The following GRM4 variants were observed in gnomAD, a reference collection of about 807,000 sequenced individuals.
The protein encoded by GRM4 is metabotropic glutamate receptor 4.
Under a neutral mutation model 81.7 loss-of-function variants are expected in GRM4, and 28 were observed. The observed-to-expected ratio is 0.34, with a 90% CI of 0.25 to 0.47. GRM4 has a LOEUF of 0.47. Ranked by LOEUF, GRM4 falls within the 20% of genes least tolerant of loss-of-function variation. The pLI, the probability that GRM4 is intolerant of heterozygous loss-of-function variation, is 1.00. For synonymous variants in GRM4, 488 were observed against 528.8 expected (o/e 0.92, Z 1.06); for missense variants, 948 against 1,290.0 (o/e 0.73, Z 4.06).
chr6:34,146,641 G>A (rs1302996829), upstream of GRM4, among the ~76,000 whole-genome samples: 1 of 152,174 alleles, frequency 6.6e-6, no homozygotes, highest in East Asian at 1.9e-4. Flanking sequence ...TGGGGAGGGA[G>A]CACAACACTG....
At chr6:34,110,858 TG>T in intron 2 of GRM4, 1 of 1,330,802 alleles carries the variant, frequency 7.5e-7, no homozygotes, top group South Asian at 2.1e-5. Context: ...AGCTCAGGCC[TG>T]GAGGTGAGGA....
rs1046741691 is a variant in GRM4, at chr6:34,069,970, C to T, written c.737-7942G>A. ...CTGGGGCCTTACAGAGCCCAGGACA[C>T]GTGCGGGGCCTGCCCAGGACGGCGG... On this transcript the variant is annotated intron_variant, in intron 3 of 10. Coordinates refer to ENST00000538487, the MANE Select transcript of GRM4 (RefSeq NM_000841.4). The surrounding 1 kb of genome is among the most constrained non-coding windows in gnomAD (Gnocchi z 6.4). 1.3e-5 allele frequency among the ~76,000 whole-genome samples: 2 copies of T among 152,186 alleles called. No individual in the cohort carries two copies. Among genetic ancestry groups the T allele is most frequent in the Non-Finnish European group, 2.9e-5 (2 of 68,034 alleles).
In GRM4 at chr6:34,086,720, T is replaced by G. The variant is rs931241907; in HGVS notation, c.736+5163A>C. The stretch of plus-strand genomic sequence containing the variant: ...TTCAAATCCTGCCCCTGCCACTTCC[T>G]AGCTGTGTGGCCTCATGGGAGTTAC... On this transcript the variant is annotated intron_variant, in intron 3 of 10. Transcript: ENST00000538487. Among the ~76,000 whole-genome samples the G allele has an allele frequency of 5.9e-5, 9 of 152,240 alleles. No individual in the cohort carries two copies. The East Asian group carries it at 1.5e-3, about 26-fold the overall frequency.
chr6:34,022,479 G>A lies in GRM4; in HGVS notation c.*342C>T, dbSNP rs1279895119. The A allele has an allele frequency of 3.0e-6, 1 of 335,894 alleles. No homozygotes were observed. The highest frequency in any genetic ancestry group is 5.5e-6 in the Non-Finnish European group (1 of 181,300). The allele number at this position is 335,894 out of a possible 1,614,324, so 20.8% of individuals were successfully genotyped here. A position where few individuals can be genotyped will look rare whatever the true frequency, so the allele number is the denominator to read the frequency against. On this transcript the variant is annotated 3_prime_UTR_variant, in exon 11 of 11. Transcript: ENST00000538487. This position sits in a 1 kb window ranked among gnomAD's most constrained non-coding sequence, Gnocchi z 5.6. ...AGACAGGGCTGGAGACAGACAGAGG[G>A]GTCGCCAACAGCACAGACAGAGACG...
intron 2 of GRM4, among the ~76,000 whole-genome samples, chr6:34,113,442 T>C (rs555474391): frequency 6.6e-6 from 1 of 152,358 alleles, no homozygotes; most frequent in South Asian, 2.1e-4. Context: ...GGCCACGTTC[T>C]CCCATTTAAA....
chr6:34,030,798 A>G (rs1020370448), intron 9 of GRM4, among the ~76,000 whole-genome samples: 7 of 152,192 alleles, frequency 4.6e-5, no homozygotes, highest in African/African-American at 1.7e-4. Flanking sequence ...ATTCTCTTCT[A>G]TATTGTTTTT....
At chr6:34,076,738 G>C (rs753291044) in intron 3 of GRM4, among the ~76,000 whole-genome samples, 1 of 152,202 alleles carries the variant, frequency 6.6e-6, no homozygotes, top group Non-Finnish European at 1.5e-5. Flanking sequence ...ACAGATGCTG[G>C]GGGCTGGGGC....
intron 1 of GRM4, among the ~76,000 whole-genome samples, chr6:34,134,257 AG>A (rs1172135743): frequency 1.3e-5 from 2 of 152,214 alleles, no homozygotes; most frequent in Admixed American, 6.5e-5. Context: ...GGCCCAGAGC[AG>A]GAGAGCATTT....
rs1036234961 is a variant in GRM4, at chr6:34,018,707, G to A, written c.*4114C>T. ...GGCTGAATTACACAGGCAGGGCCTT[G>A]GAGGTTACCTAAAAATAAAGCAAGA... On this transcript the variant is annotated 3_prime_UTR_variant, in exon 11 of 11. Transcript: ENST00000538487. 1.3e-5 allele frequency: 2 copies of A among 152,158 alleles called. No homozygotes were observed. Among genetic ancestry groups the A allele is most frequent in the Admixed American group, 6.5e-5 (1 of 15,290 alleles). The allele number at this position is 152,158 out of a possible 1,614,324, so 9.4% of individuals were successfully genotyped here.
At chr6:34,027,717 A>AGGGCACAGGCAGGGGCACAGGCAG (rs1326324763) in intron 10 of GRM4, among the ~76,000 whole-genome samples, 9 of 152,154 alleles carry the variant, frequency 5.9e-5, no homozygotes, top group Admixed American at 2.6e-4. Flanking sequence ...AGGGGCTGAA[A>AGGGCACAGGCAGGGGCACAGGCAG]GGGCACAGGC....
intron 2 of GRM4, among the ~76,000 whole-genome samples, chr6:34,123,010 G>A (rs150004995): frequency 5.3e-5 from 8 of 152,184 alleles, no homozygotes; most frequent in East Asian, 1.9e-4. Flanking sequence ...AGAGCATGAC[G>A]GGGTGAGGGG....
intron 9 of GRM4, among the ~76,000 whole-genome samples, chr6:34,031,714 G>A (rs1202387003): frequency 6.6e-6 from 1 of 152,326 alleles, no homozygotes; most frequent in East Asian, 1.9e-4. Flanking sequence ...GTGGTGTTAA[G>A]CCCTGGAAAT....
In GRM4 at chr6:34,042,521, T is replaced by C. The variant is rs1192169042; in HGVS notation, c.1169-1773A>G. Among the ~76,000 whole-genome samples, 11 of 152,236 alleles carry C rather than the reference T, an allele frequency of 7.2e-5. No individual in the cohort carries two copies. The Middle Eastern group carries it at 0.01, about 141-fold the overall frequency. On this transcript the variant is annotated intron_variant, in intron 6 of 10. Coordinates refer to ENST00000538487, the MANE Select transcript of GRM4 (RefSeq NM_000841.4). This position sits in a 1 kb window ranked among gnomAD's most constrained non-coding sequence, Gnocchi z 4.2. ...ATTCCCCTCCTAAGACCACAGCCCT[T>C]GCATACAGCATGGCCTTCTTCCTCA...
chr6:34,040,649 A>C lies in GRM4; in HGVS notation c.1268T>G (p.Met423Arg). The C allele has an allele frequency of 6.2e-7, 1 of 1,614,110 alleles. No individual in the cohort carries two copies. Among genetic ancestry groups the C allele is most frequent in the Non-Finnish European group, 8.5e-7 (1 of 1,179,930 alleles). ...VYAMGHALHA[M>R]HRDLCPGRVG... ...GCGGCCGGGACACAGGTCACGGTGCATGGCGTGCAGCGCGTGGCCCATGGC... is the reference window on the plus strand; with the variant it reads ...GCGGCCGGGACACAGGTCACGGTGCCTGGCGTGCAGCGCGTGGCCCATGGC... The change falls in exon 7 of 11, where the codon ATG becomes AGG. Residue 423 changes from methionine to arginine, a missense_variant. Physicochemically the swap from Met to Arg is moderately conservative, Grantham distance 91. Transcript: ENST00000538487.
Position 34,018,708 on chromosome 6 carries a change from G to A in GRM4, c.*4113C>T, listed in dbSNP as rs1763764924. The A allele has an allele frequency of 6.6e-6, 1 of 152,158 alleles. No individual in the cohort carries two copies. Among genetic ancestry groups the A allele is most frequent in the Admixed American group, 6.5e-5 (1 of 15,280 alleles). The allele number at this position is 152,158 out of a possible 1,614,324, so 9.4% of individuals were successfully genotyped here. On this transcript the variant is annotated 3_prime_UTR_variant, in exon 11 of 11. Coordinates refer to ENST00000538487, the MANE Select transcript of GRM4 (RefSeq NM_000841.4). ...GCTGAATTACACAGGCAGGGCCTTG[G>A]AGGTTACCTAAAAATAAAGCAAGAA...
chr6:34,032,980 G>A (rs1364508780), intron 9 of GRM4, among the ~76,000 whole-genome samples: 1 of 152,172 alleles, frequency 6.6e-6, no homozygotes, highest in East Asian at 1.9e-4. Flanking sequence ...GTATTGTTGA[G>A]GGTAATTTCT....
upstream of GRM4, among the ~76,000 whole-genome samples, chr6:34,150,282 G>A (rs1771019105): frequency 6.6e-6 from 1 of 152,214 alleles, no homozygotes; most frequent in Non-Finnish European, 1.5e-5. Context: ...CATTCACCCA[G>A]GACTAAGCAG....
At position 34,040,545 on chromosome 6, in the gene GRM4, C is replaced by G. The variant is rs760922756; in HGVS notation, c.1369+3G>C. 8 of 1,610,930 alleles carry G rather than the reference C, an allele frequency of 5.0e-6. No individual in the cohort carries two copies. In the African/African-American group the frequency reaches 5.3e-5, roughly 11 times the overall value. On this transcript the variant is annotated splice_donor_region_variant and intron_variant, in intron 7 of 10. Coordinates refer to ENST00000538487, the MANE Select transcript of GRM4 (RefSeq NM_000841.4). ...TCAGGCACAGTCCGCACCACACCCC[C>G]ACCTGAGAAGTTGACGTTTCGGATG...
At chr6:34,120,711 C>G (rs1215735098) in intron 2 of GRM4, among the ~76,000 whole-genome samples, 1 of 152,124 alleles carries the variant, frequency 6.6e-6, no homozygotes, top group Non-Finnish European at 1.5e-5. Flanking sequence ...AACCTCCACA[C>G]ACGAGCACAT....
Sources: gnomAD v4.1 joint callset for allele counts (sites outside exome capture counted in the v4.1 genomes callset) on GRCh38, gnomAD v4.1.1 for gene constraint, Gnocchi (gnomAD v3.1) non-coding constraint, MANE v1.5 for transcripts, NCBI Gene and HGNC (gene_info 2026-07-23, HGNC 2026-07-21) for gene names.